The following TMOD3 variants were observed in gnomAD, a reference collection of about 807,000 sequenced individuals.
The protein encoded by TMOD3 is tropomodulin 3, also known as tropomodulin-3.
A neutral mutation model predicts 39.2 loss-of-function variants in TMOD3; 20 were observed. The observed-to-expected ratio is 0.51, with a 90% CI of 0.36 to 0.74. The LOEUF is 0.74. Among genes scored for constraint, TMOD3 ranks in the 30% least tolerant of loss-of-function variants. The pLI, the probability that TMOD3 is intolerant of heterozygous loss-of-function variation, is 0.00. For synonymous variants in TMOD3, 143 were observed against 145.8 expected (o/e 0.98, Z 0.14); for missense variants, 381 against 412.8 (o/e 0.92, Z 0.67).
intron 1 of TMOD3, chr15:51,860,118 TCTC>T: frequency 2.1e-6 from 1 of 479,528 alleles, no homozygotes; most frequent in Admixed American, 2.2e-5. Flanking sequence ...ACGCTGCTCT[TCTC>T]CCGTTTGTGA....
At chr15:51,878,439 A>C (rs919433340) in intron 3 of TMOD3, among the ~76,000 whole-genome samples, 3 of 144,888 alleles carry the variant, frequency 2.1e-5, no homozygotes, top group Non-Finnish European at 4.5e-5. Context: ...GTCCATTTTA[A>C]TTGTTTCAGG....
chr15:51,903,021 C>T (rs1230741365), intron 9 of TMOD3, among the ~76,000 whole-genome samples: 7 of 147,342 alleles, frequency 4.8e-5, no homozygotes, highest in African/African-American at 1.8e-4. Flanking sequence ...CTTGACCTCA[C>T]GATCCACCCG....
intron 1 of TMOD3, among the ~76,000 whole-genome samples, chr15:51,835,702 G>A (rs1021859655): frequency 2.0e-5 from 3 of 152,088 alleles, no homozygotes; most frequent in East Asian, 3.8e-4. Flanking sequence ...AGACAGTTTG[G>A]TTATTTTTTT....
At chr15:51,838,465 G>T (rs557734899) in intron 1 of TMOD3, among the ~76,000 whole-genome samples, 8 of 152,140 alleles carry the variant, frequency 5.3e-5, no homozygotes, top group African/African-American at 1.9e-4. Flanking sequence ...GAGTTGTACT[G>T]CATTACTATT....
chr15:51,894,822 ACT>A (rs1036727566), intron 6 of TMOD3, among the ~76,000 whole-genome samples: 1 of 152,194 alleles, frequency 6.6e-6, no homozygotes, highest in Non-Finnish European at 1.5e-5. Flanking sequence ...TAATACAGCC[ACT>A]ATATACTTTT....
At chr15:51,867,225 T>C (rs1430573445) in intron 2 of TMOD3, among the ~76,000 whole-genome samples, 8 of 152,134 alleles carry the variant, frequency 5.3e-5, no homozygotes, top group Non-Finnish European at 1.0e-4. Flanking sequence ...CTCAGCAAGC[T>C]TAGATCATAG....
At chr15:51,861,657 CTTTT>C (rs550303054) in intron 1 of TMOD3, among the ~76,000 whole-genome samples, 1 of 134,854 alleles carries the variant, frequency 7.4e-6, no homozygotes, top group Non-Finnish European at 1.6e-5. Flanking sequence ...GTACTAGGTA[CTTTT>C]TTTTTTTTTT....
chr15:51,847,196 C>G (rs2056340327), intron 1 of TMOD3, among the ~76,000 whole-genome samples: 1 of 152,216 alleles, frequency 6.6e-6, no homozygotes, highest in Non-Finnish European at 1.5e-5. Context: ...GTAATAATCA[C>G]AGAACTAATC....
chr15:51,867,989 G>A (rs925428347), intron 2 of TMOD3, among the ~76,000 whole-genome samples: 6 of 152,198 alleles, frequency 3.9e-5, no homozygotes, highest in Non-Finnish European at 2.9e-5. Context: ...CATAGCTCTT[G>A]CTGTGAGTAT....
chr15:51,906,431 C>T (rs948336975), intron 9 of TMOD3, among the ~76,000 whole-genome samples: 1 of 152,150 alleles, frequency 6.6e-6, no homozygotes, highest in Non-Finnish European at 1.5e-5. Context: ...TTTTCTTAGT[C>T]TCAGCTATTC....
chr15:51,835,245 G>T (rs2056276631), intron 1 of TMOD3, among the ~76,000 whole-genome samples: 1 of 152,132 alleles, frequency 6.6e-6, no homozygotes, highest in African/African-American at 2.4e-5. Flanking sequence ...CTTGTTTATT[G>T]GCTTGATCTA....
chr15:51,861,657 C>CT (rs550303054), intron 1 of TMOD3, among the ~76,000 whole-genome samples: 6,236 of 134,852 alleles, frequency 0.046, 174 homozygotes, highest in Non-Finnish European at 0.062. Flanking sequence ...GTACTAGGTA[C>CT]TTTTTTTTTT....
At chr15:51,862,697 G>A (rs1253492573) in intron 1 of TMOD3, 114 bp from the exon 2 acceptor site, 2 of 379,262 alleles carry the variant, frequency 5.3e-6, no homozygotes, top group Admixed American at 9.4e-5. Context: ...TATGTGATAT[G>A]TGATCAAAGA....
At chr15:51,895,308 G>T (rs1469274407) in intron 6 of TMOD3, among the ~76,000 whole-genome samples, 1 of 149,578 alleles carries the variant, frequency 6.7e-6, no homozygotes, top group Non-Finnish European at 1.5e-5. Flanking sequence ...CCTCTGCCCT[G>T]CCCCAGGTTC....
At chr15:51,863,589 A>T (rs1476969661) in intron 2 of TMOD3, among the ~76,000 whole-genome samples, 1 of 152,208 alleles carries the variant, frequency 6.6e-6, no homozygotes, top group East Asian at 1.9e-4. Flanking sequence ...TAAATTACAC[A>T]AGGCTAAGAT....
chr15:51,862,159 T>C (rs2056422585), intron 1 of TMOD3, among the ~76,000 whole-genome samples: 1 of 152,132 alleles, frequency 6.6e-6, no homozygotes. Flanking sequence ...AAGGAAATGA[T>C]GATGGTCCCT....
chr15:51,878,933 A>G (rs1284873375), intron 3 of TMOD3, among the ~76,000 whole-genome samples: 3 of 152,198 alleles, frequency 2.0e-5, no homozygotes, highest in African/African-American at 7.2e-5. Context: ...TCTTGTTATT[A>G]TATTTTTTAT....
At chr15:51,901,618 G>C (rs1374561989) in intron 8 of TMOD3, 1 of 296,278 alleles carries the variant, frequency 3.4e-6, no homozygotes, top group Non-Finnish European at 6.3e-6. Context: ...TGTGTATAAA[G>C]TTCCAGTGAG....
In TMOD3 at chr15:51,873,754, C is replaced by T. The variant is rs140735677; in HGVS notation, c.283+4381C>T. ...ATGGAATCTCACTCTGTTACCCAGG[C>T]CGGAGTGCAGTGGCCTGCCACCACA... is the stretch of plus-strand genomic sequence containing the variant. On this transcript the variant is annotated intron_variant, in intron 3 of 9. Transcript: ENST00000308580. Among the ~76,000 whole-genome samples the T allele has an allele frequency of 3.9e-3, 586 of 151,824 alleles. 1 individual carries two copies. Among genetic ancestry groups the T allele is most frequent in the Admixed American group, 6.2e-3 (94 of 15,258 alleles).
Sources: gnomAD v4.1 joint callset for allele counts (sites outside exome capture counted in the v4.1 genomes callset) on GRCh38, gnomAD v4.1.1 for gene constraint, MANE v1.5 for transcripts, NCBI Gene and HGNC (gene_info 2026-07-23, HGNC 2026-07-21) for gene names.